ASPRV1: variants seen among roughly 807,000 people sequenced by gnomAD.
ASPRV1 encodes retroviral-like aspartic protease 1.
A neutral mutation model predicts 11.0 loss-of-function variants in ASPRV1; 7 were observed. That is an observed-to-expected ratio of 0.64 (90% CI 0.36 to 1.20). ASPRV1 has a LOEUF of 1.20. Ranked by LOEUF, ASPRV1 falls within the 50% of genes most tolerant of loss-of-function variation. The pLI is 0.02. For missense variants in ASPRV1, 299 were observed against 320.0 expected (o/e 0.93, Z 0.50); for synonymous variants, 136 against 138.4 (o/e 0.98, Z 0.12).
the ASPRV1 span, among the ~76,000 whole-genome samples, chr2:70,002,019 G>GA: frequency 5.3e-5 from 8 of 152,146 alleles, no homozygotes; most frequent in African/African-American, 1.4e-4. Context: ...TATATGCACA[G>GA]AAAAAATATC....
chr2:69,968,785 G>A, the ASPRV1 span, among the ~76,000 whole-genome samples: 4 of 152,154 alleles, frequency 2.6e-5, no homozygotes, highest in Non-Finnish European at 5.9e-5. Flanking sequence ...TGGAACCCCT[G>A]GTCGCTGGGG....
At chr2:70,062,943 A>G in the ASPRV1 span, among the ~76,000 whole-genome samples, 1 of 152,192 alleles carries the variant, frequency 6.6e-6, no homozygotes, top group East Asian at 1.9e-4. Flanking sequence ...CACTAACAAT[A>G]GTCATGATCT....
the ASPRV1 span, among the ~76,000 whole-genome samples, chr2:70,033,545 G>A: frequency 6.6e-6 from 1 of 152,056 alleles, no homozygotes; most frequent in Non-Finnish European, 1.5e-5. Flanking sequence ...GTCACCCATA[G>A]TATGAACCAT....
At chr2:70,069,413 T>C in the ASPRV1 span, 2 of 152,248 alleles carry the variant, frequency 1.3e-5, no homozygotes, top group Non-Finnish European at 2.9e-5. Flanking sequence ...TGGTTTATGA[T>C]GTCTGTCTCC....
Position 69,961,318 on chromosome 2 carries a change from T to C in ASPRV1, c.119A>G (p.Asn40Ser), listed in dbSNP as rs145499984. ...NLWLHSFEVI[N>S]DLNHWDHITK... Reference sequence around the variant, plus strand: ...GATATGGTCCCAATGGTTGAGGTCATTGATGACTTCAAAGCTGTGCAGCCA... The same window carrying C: ...GATATGGTCCCAATGGTTGAGGTCACTGATGACTTCAAAGCTGTGCAGCCA... Residue 40 changes from asparagine (N) to serine (S), a missense_variant, in exon 1 of 1, where the codon AAT becomes AGT. By Grantham distance (46) the Asn-to-Ser change is conservative. Transcript: ENST00000320256. The C allele has an allele frequency of 4.8e-5, 77 of 1,614,114 alleles. No homozygotes were observed. Among genetic ancestry groups the C allele is most frequent in the South Asian group, 8.8e-5 (8 of 91,078 alleles).
At chr2:70,046,799 G>A in the ASPRV1 span, 2 of 152,044 alleles carry the variant, frequency 1.3e-5, no homozygotes, top group Admixed American at 1.3e-4. Flanking sequence ...TCAGGGAACT[G>A]GCAAAACAAG....
At chr2:70,033,714 C>G in the ASPRV1 span, among the ~76,000 whole-genome samples, 1 of 152,202 alleles carries the variant, frequency 6.6e-6, no homozygotes, top group African/African-American at 2.4e-5. Context: ...AGAAGAAGAA[C>G]TGGCCACAGC....
At chr2:70,019,403 A>T in the ASPRV1 span, among the ~76,000 whole-genome samples, 2 of 152,300 alleles carry the variant, frequency 1.3e-5, no homozygotes, top group Non-Finnish European at 2.9e-5. Flanking sequence ...CAGCAATACC[A>T]CTACTGGGCA....
chr2:69,938,180 G>A, the ASPRV1 span: 3 of 1,614,214 alleles, frequency 1.9e-6, no homozygotes, highest in East Asian at 2.2e-5. Context: ...CGACTCTGAC[G>A]AGCGGGGCAG....
the ASPRV1 span, among the ~76,000 whole-genome samples, chr2:69,978,367 G>A: frequency 2.0e-5 from 3 of 152,294 alleles, no homozygotes; most frequent in South Asian, 2.1e-4. Flanking sequence ...GACACAACCC[G>A]GAGGGCCAGG....
the ASPRV1 span, chr2:70,018,088 C>T: frequency 6.6e-6 from 1 of 151,600 alleles, no homozygotes; most frequent in South Asian, 2.1e-4. Context: ...TGCAGTGAGT[C>T]GAGATCACGC....
At chr2:69,979,570 T>C in the ASPRV1 span, among the ~76,000 whole-genome samples, 1 of 152,106 alleles carries the variant, frequency 6.6e-6, no homozygotes, top group African/African-American at 2.4e-5. Flanking sequence ...GGGACCCCCC[T>C]CAAACTGGGC....
At chr2:70,013,738 G>A in the ASPRV1 span, among the ~76,000 whole-genome samples, 9 of 152,086 alleles carry the variant, frequency 5.9e-5, no homozygotes, top group East Asian at 1.9e-4. Flanking sequence ...AAAATTAGCC[G>A]GGTGTGGTGG....
chr2:69,994,801 T>C, the ASPRV1 span, among the ~76,000 whole-genome samples: 1 of 150,988 alleles, frequency 6.6e-6, no homozygotes, highest in Non-Finnish European at 1.5e-5. Context: ...ATCAAGACCA[T>C]CCTGGCTAAC....
At chr2:69,973,718 G>C in the ASPRV1 span, among the ~76,000 whole-genome samples, 1 of 152,192 alleles carries the variant, frequency 6.6e-6, no homozygotes, top group East Asian at 1.9e-4. Context: ...TTGAATACTG[G>C]AAGAATATTT....
chr2:70,058,947 C>T, the ASPRV1 span, among the ~76,000 whole-genome samples: 6 of 131,064 alleles, frequency 4.6e-5, no homozygotes, highest in African/African-American at 3.0e-5. Flanking sequence ...AATGCAATGG[C>T]GCCAACCCGG....
the ASPRV1 span, among the ~76,000 whole-genome samples, chr2:70,006,081 T>C: frequency 2.8e-4 from 42 of 152,350 alleles, no homozygotes; most frequent in Admixed American, 1.8e-3. Context: ...ACCCACTAGA[T>C]GCCAGTAGAA....
At chr2:70,055,427 A>G in the ASPRV1 span, among the ~76,000 whole-genome samples, 1 of 152,252 alleles carries the variant, frequency 6.6e-6, no homozygotes, top group African/African-American at 2.4e-5. Flanking sequence ...TATGGTACAT[A>G]TAAACCATGG....
chr2:70,026,796 A>G, the ASPRV1 span, among the ~76,000 whole-genome samples: 1 of 152,164 alleles, frequency 6.6e-6, no homozygotes, highest in East Asian at 1.9e-4. Context: ...TACAGATTCA[A>G]TGCAATCTCT....
Sources: allele counts gnomAD v4.1 joint callset (sites outside exome capture counted in the v4.1 genomes callset), GRCh38; gene constraint gnomAD v4.1.1; transcripts MANE v1.5; gene names NCBI Gene and HGNC (gene_info 2026-07-23, HGNC 2026-07-21).